The following TSHZ3 variants were observed in gnomAD, a reference collection of about 807,000 sequenced individuals.
TSHZ3 encodes the protein teashirt homolog 3.
Under a neutral mutation model 64.5 loss-of-function variants are expected in TSHZ3, and 10 were observed. That is an observed-to-expected ratio of 0.16 (90% CI 0.10 to 0.26). The LOEUF (loss-of-function observed/expected upper bound fraction) is 0.26. Ranked by LOEUF, TSHZ3 falls within the 10% of genes least tolerant of loss-of-function variation. The pLI, the probability that TSHZ3 is intolerant of heterozygous loss-of-function variation, is 1.00. For synonymous variants in TSHZ3, 608 were observed against 593.1 expected, an observed-to-expected ratio of 1.03 and a Z score of -0.36; for missense variants, 1,242 against 1,421.7, an observed-to-expected ratio of 0.87 and a Z score of 2.03.
At chr19:31,212,254 G>A (rs565731050) in intron 4 of TSHZ3, among the ~76,000 whole-genome samples, 41 of 152,128 alleles carry the variant, frequency 2.7e-4, no homozygotes, top group Non-Finnish European at 4.6e-4. Context: ...TCAGGAGTTC[G>A]AGACCAGTCT....
intron 4 of TSHZ3, among the ~76,000 whole-genome samples, chr19:31,216,022 C>T (rs1309125079): frequency 6.6e-6 from 1 of 151,272 alleles, no homozygotes; most frequent in Non-Finnish European, 1.5e-5. Context: ...GGAGGAAAAT[C>T]ACCAAATTCT....
chr19:31,187,779 T>G (rs959065853), intron 5 of TSHZ3, among the ~76,000 whole-genome samples: 1 of 152,184 alleles, frequency 6.6e-6, no homozygotes, highest in African/African-American at 2.4e-5. Flanking sequence ...TTCTGTTCAC[T>G]TAATCTATTT....
intron 1 of TSHZ3, among the ~76,000 whole-genome samples, chr19:31,315,315 T>G (rs992093674): frequency 6.6e-6 from 1 of 152,186 alleles, no homozygotes; most frequent in South Asian, 2.1e-4. Context: ...TAGAGGAGAT[T>G]CCCCCAGCCC....
chr19:31,213,376 A>AAT, intron 4 of TSHZ3, among the ~76,000 whole-genome samples: 1 of 146,112 alleles, frequency 6.8e-6, no homozygotes, highest in Non-Finnish European at 1.5e-5. Context: ...AAAAAAAAAA[A>AAT]AAAAAAAAAA....
chr19:31,293,068 T>C (rs1976601855), intron 1 of TSHZ3, among the ~76,000 whole-genome samples: 1 of 150,560 alleles, frequency 6.6e-6, no homozygotes, highest in Non-Finnish European at 1.5e-5. Context: ...AATGTATCCA[T>C]CCATCCAAAA....
At chr19:31,193,792 A>T (rs1445061737) in intron 5 of TSHZ3, among the ~76,000 whole-genome samples, 1 of 152,192 alleles carries the variant, frequency 6.6e-6, no homozygotes, top group Non-Finnish European at 1.5e-5. Flanking sequence ...CTGTTATCAT[A>T]ATGTATTTTT....
intron 4 of TSHZ3, among the ~76,000 whole-genome samples, chr19:31,225,612 C>G (rs564236780): frequency 3.3e-5 from 5 of 152,302 alleles, no homozygotes; most frequent in Non-Finnish European, 7.4e-5. Context: ...CTGCACCTCC[C>G]CATCCTCCCC....
At chr19:31,280,598 T>C (rs919406155) in intron 1 of TSHZ3, among the ~76,000 whole-genome samples, 5 of 152,214 alleles carry the variant, frequency 3.3e-5, no homozygotes, top group African/African-American at 1.2e-4. Flanking sequence ...TATAAATATA[T>C]ACAAGACCTT....
At chr19:31,286,161 T>C (rs1976460094) in intron 1 of TSHZ3, among the ~76,000 whole-genome samples, 1 of 152,160 alleles carries the variant, frequency 6.6e-6, no homozygotes, top group African/African-American at 2.4e-5. Flanking sequence ...GAAGACTGTG[T>C]GCTTAAAGCA....
chr19:31,309,810 G>T (rs1916405202), intron 1 of TSHZ3, among the ~76,000 whole-genome samples: 1 of 152,132 alleles, frequency 6.6e-6, no homozygotes, highest in Non-Finnish European at 1.5e-5. Flanking sequence ...CACCCCCTGG[G>T]ATGGCCACGG....
At chr19:31,164,902 C>G (rs1974423850) in intron 5 of TSHZ3, among the ~76,000 whole-genome samples, 1 of 152,242 alleles carries the variant, frequency 6.6e-6, no homozygotes, top group Admixed American at 6.5e-5. Context: ...ACAACACAGA[C>G]AGCCTTCTCA....
exon 5 of TSHZ3, chr19:31,204,992 G>A (rs1270262411): frequency 2.6e-5 from 4 of 152,340 alleles, no homozygotes; most frequent in African/African-American, 9.6e-5. Context: ...TTGTAATGAT[G>A]CAGCAGCGAG....
chr19:31,268,235 C>G (rs1976083028), intron 1 of TSHZ3, among the ~76,000 whole-genome samples: 1 of 152,170 alleles, frequency 6.6e-6, no homozygotes, highest in African/African-American at 2.4e-5. Flanking sequence ...AACCTCTTTC[C>G]TTCATAAATT....
chr19:31,174,558 G>C (rs150127617), intron 5 of TSHZ3, among the ~76,000 whole-genome samples: 3 of 152,188 alleles, frequency 2.0e-5, no homozygotes, highest in Non-Finnish European at 4.4e-5. Context: ...ATCACACCTG[G>C]TGTGTCCCCT....
intron 3 of TSHZ3, among the ~76,000 whole-genome samples, chr19:31,230,337 T>A (rs1472589533): frequency 6.6e-6 from 1 of 152,166 alleles, no homozygotes; most frequent in Non-Finnish European, 1.5e-5. Flanking sequence ...TGTAAATATA[T>A]GCATAGAAAA....
chr19:31,182,565 G>A (rs1974733922), intron 5 of TSHZ3, among the ~76,000 whole-genome samples: 1 of 152,180 alleles, frequency 6.6e-6, no homozygotes, highest in Non-Finnish European at 1.5e-5. Flanking sequence ...CTCATTCCAA[G>A]TGCTTCTAAG....
At chr19:31,302,338 G>A (rs1474256416) in intron 1 of TSHZ3, among the ~76,000 whole-genome samples, 1 of 152,184 alleles carries the variant, frequency 6.6e-6, no homozygotes, top group Non-Finnish European at 1.5e-5. Context: ...AGCACGGTGT[G>A]TGAATGGGAC....
chr19:31,304,508 AC>A (rs1381417735), intron 1 of TSHZ3, among the ~76,000 whole-genome samples: 25 of 123,682 alleles, frequency 2.0e-4, no homozygotes, highest in African/African-American at 5.4e-4. Context: ...AACAACAACA[AC>A]AACAAAAAAT....
At chr19:31,183,554 T>C (rs1974757282) in intron 5 of TSHZ3, among the ~76,000 whole-genome samples, 1 of 152,070 alleles carries the variant, frequency 6.6e-6, no homozygotes, top group Non-Finnish European at 1.5e-5. Context: ...ATTGCCTGAC[T>C]CTAAAATTGG....
Sources: allele counts gnomAD v4.1 joint callset (sites outside exome capture counted in the v4.1 genomes callset), GRCh38; gene constraint gnomAD v4.1.1; transcripts MANE v1.5; gene names NCBI Gene and HGNC (gene_info 2026-07-23, HGNC 2026-07-21).